The following NTAN1 variants were observed in gnomAD, a reference collection of about 807,000 sequenced individuals.
NTAN1 encodes N-terminal asparagine amidase, also known as protein N-terminal asparagine amidohydrolase.
NTAN1 carries 32 observed loss-of-function variants against 41.9 expected under a neutral mutation model. The observed-to-expected ratio is 0.76, with a 90% CI of 0.58 to 1.03. The LOEUF is 1.03. Among genes scored for constraint, NTAN1 ranks in the 50% least tolerant of loss-of-function variants. NTAN1 has a pLI of 0.00. For missense variants in NTAN1, 377 were observed against 377.5 expected, an observed-to-expected ratio of 1.00 and a Z score of 0.01; for synonymous variants, 140 against 139.5, an observed-to-expected ratio of 1.00 and a Z score of -0.03.
intron 4 of NTAN1, among the ~76,000 whole-genome samples, chr16:15,046,651 A>C (rs2044076789): frequency 1.3e-5 from 2 of 149,704 alleles, no homozygotes; most frequent in African/African-American, 4.9e-5. Context: ...CTTGAGCCCA[A>C]GAGTTTAAGA....
At chr16:15,046,697 C>CAAA (rs9331444) in intron 4 of NTAN1, among the ~76,000 whole-genome samples, 6 of 43,640 alleles carry the variant, frequency 1.4e-4, no homozygotes, top group Admixed American at 3.5e-4. Flanking sequence ...CTGTCTCTAC[C>CAAA]AAAAAAAAAA....
At position 15,047,997 on chromosome 16, in the gene NTAN1, C is replaced by T. The variant is rs563624215; in HGVS notation, c.184G>A (p.Gly62Ser). 3.2e-5 allele frequency: 52 copies of T among 1,609,944 alleles called. No individual in the cohort carries two copies. Among genetic ancestry groups the T allele is most frequent in the Non-Finnish European group, 4.3e-5 (51 of 1,176,374 alleles). The stretch of plus-strand genomic sequence containing the variant: ...CCCAATTCACTGCTTCCTAACCTAC[C>T]ATCCTTTGGGGAGGTCACTGCAAGC... ...RELAVTSPKDGSISILGSDDA... is the reference protein window; with the variant it reads ...RELAVTSPKDSSISILGSDDA... Residue 62 changes from glycine (G) to serine (S), a missense_variant and splice_region_variant, in exon 2 of 10, where the codon GGC (glycine) becomes AGC (serine). Coordinates refer to ENST00000287706, the MANE Select transcript of NTAN1 (RefSeq NM_173474.4).
At chr16:15,041,567 G>A in intron 6 of NTAN1, 56 bp downstream of exon 6, 1 of 1,233,612 alleles carries the variant, frequency 8.1e-7, no homozygotes, top group South Asian at 1.2e-5. Context: ...GCAAGACTGG[G>A]GACAAAACGG....
intron 1 of NTAN1, among the ~76,000 whole-genome samples, chr16:15,052,923 A>T (rs749366890): frequency 3.9e-5 from 6 of 152,176 alleles, no homozygotes; most frequent in Non-Finnish European, 7.4e-5. Flanking sequence ...AAGATGTTGC[A>T]GGACTGGTTA....
chr16:15,048,228 C>G (rs745652820), intron 1 of NTAN1, 129 bp from the exon 2 acceptor site: 8 of 632,176 alleles, frequency 1.3e-5, no homozygotes, highest in Non-Finnish European at 2.2e-5. Context: ...TGTTAGTGGA[C>G]AGAGAGGCTC....
At position 15,047,432 on chromosome 16, in the gene NTAN1, T is replaced by C. The variant is rs762206403; in HGVS notation, c.359+10A>G. 2.0e-6 allele frequency: 3 copies of C among 1,526,880 alleles called. No homozygotes were observed. The highest frequency in any genetic ancestry group is 1.1e-5 in the South Asian group (1 of 89,430). The allele number at this position is 1,526,880 out of a possible 1,614,324, so 94.6% of individuals were successfully genotyped here. On this transcript the variant is annotated intron_variant, in intron 4 of 9. Coordinates refer to ENST00000287706, the MANE Select transcript of NTAN1 (RefSeq NM_173474.4). Reference sequence around the variant, plus strand: ...TCTCAATTCACCTATGAGAGCAGCGTAGATCTCACCTTCCACATTGAGCGT... The same window carrying C: ...TCTCAATTCACCTATGAGAGCAGCGCAGATCTCACCTTCCACATTGAGCGT...
intron 6 of NTAN1, 133 bp from the exon 7 acceptor site, chr16:15,041,254 T>A (rs556410757): frequency 2.9e-6 from 2 of 692,720 alleles, no homozygotes; most frequent in Admixed American, 4.4e-5. Flanking sequence ...TGAAAGGGAT[T>A]GTGGCCCTGT....
intron 7 of NTAN1, 148 bp from the exon 8 acceptor site, chr16:15,040,214 G>C (rs2043750507): frequency 4.5e-6 from 2 of 448,174 alleles, no homozygotes. Flanking sequence ...CCTCCCTGGA[G>C]GGGGAAAATG....
Position 15,056,027 on chromosome 16 carries a change from C to G in NTAN1, c.-56G>C. The G allele has an allele frequency of 2.3e-6, 2 of 851,730 alleles. No homozygotes were observed. The highest frequency in any genetic ancestry group is 3.0e-6 in the Non-Finnish European group (2 of 673,184). 52.8% of individuals were successfully genotyped at this position (851,730 alleles called of 1,614,324 possible). A position where few individuals can be genotyped will look rare whatever the true frequency, so the allele number is the denominator to read the frequency against. ...GAGGCGGCGGCCCCCCGCTTTGCAG[C>G]CCCGGGCCGCCCGCCGCCCCCGCCC... On this transcript the variant is annotated 5_prime_UTR_variant, in exon 1 of 10. Transcript: ENST00000287706.
Position 15,041,696 on chromosome 16 carries a change from A to C in NTAN1, c.434-20T>G, listed in dbSNP as rs565245548. On this transcript the variant is annotated intron_variant, in intron 5 of 9. Coordinates refer to ENST00000287706, the MANE Select transcript of NTAN1 (RefSeq NM_173474.4). ...ATTCACCTATGATGAGAATTTTAAG[A>C]CCAGAAGTCAGAAAAGTTCCTCTAG... 1.6e-5 allele frequency: 26 copies of C among 1,587,946 alleles called. No individual in the cohort carries two copies. The South Asian group carries it at 2.2e-4, about 14-fold the overall frequency.
At chr16:15,039,223 C>T (rs905345954) in intron 8 of NTAN1, among the ~76,000 whole-genome samples, 1 of 152,170 alleles carries the variant, frequency 6.6e-6, no homozygotes, top group African/African-American at 2.4e-5. Context: ...TGGTAACTGA[C>T]ACTGAAATAT....
At chr16:15,038,310 T>TAATAA in intron 9 of NTAN1, 100 bp from the exon 10 acceptor site, 1 of 849,990 alleles carries the variant, frequency 1.2e-6, no homozygotes, top group Admixed American at 2.8e-5. Context: ...CAAATATATA[T>TAATAA]AATAAAATAC....
intron 8 of NTAN1, 149 bp from the exon 9 acceptor site, chr16:15,038,836 A>G: frequency 1.7e-6 from 1 of 583,236 alleles, no homozygotes; most frequent in Non-Finnish European, 3.0e-6. Context: ...GCTGCCAGCT[A>G]CTGAACACGT....
At chr16:15,041,568 G>T in intron 6 of NTAN1, 55 bp downstream of exon 6, 1 of 1,259,558 alleles carries the variant, frequency 7.9e-7, no homozygotes, top group South Asian at 1.2e-5. Flanking sequence ...CAAGACTGGG[G>T]ACAAAACGGT....
rs1191922104 is a variant in NTAN1 at position 15,040,999 on chromosome 16, T to C, written c.541+69A>G. On this transcript the variant is annotated intron_variant, in intron 7 of 9. Transcript: ENST00000287706. ...ATCCTGACAGCAGTGGGGTCATTGG[T>C]TTGCTGAATTAGACTTTAACTGCAC... 6.5e-6 allele frequency: 7 copies of C among 1,069,972 alleles called. No individual in the cohort carries two copies. In the African/African-American group the frequency reaches 9.3e-5, roughly 14 times the overall value. The allele number at this position is 1,069,972 out of a possible 1,614,324, so 66.3% of individuals were successfully genotyped here. A position where few individuals can be genotyped will look rare whatever the true frequency, so the allele number is the denominator to read the frequency against.
intron 5 of NTAN1, among the ~76,000 whole-genome samples, chr16:15,042,739 TATTTATTTATTG>T: frequency 6.9e-6 from 1 of 145,084 alleles, no homozygotes; most frequent in African/African-American, 2.7e-5. Context: ...TTTATTTATT[TATTTATTTATTG>T]AGACGAAGTC....
At chr16:15,052,865 T>C (rs1286629113) in intron 1 of NTAN1, among the ~76,000 whole-genome samples, 1 of 151,992 alleles carries the variant, frequency 6.6e-6, no homozygotes, top group Non-Finnish European at 1.5e-5. Flanking sequence ...AAGCAGGAAC[T>C]AAGCTACGCT....
intron 9 of NTAN1, 26 bp downstream of exon 9, chr16:15,038,548 G>A (rs988003944): frequency 1.6e-6 from 2 of 1,271,848 alleles, no homozygotes; most frequent in Non-Finnish European, 2.3e-6. Context: ...AGAGATTTAA[G>A]ACTTACCCAG....
intron 1 of NTAN1, 61 bp downstream of exon 1, chr16:15,055,830 T>C: frequency 1.1e-6 from 1 of 924,612 alleles, no homozygotes; most frequent in Non-Finnish European, 1.4e-6. Flanking sequence ...AGGGGGGCGC[T>C]AGCCCGCCCT....
Sources: gnomAD v4.1 joint callset for allele counts (sites outside exome capture counted in the v4.1 genomes callset) on GRCh38, gnomAD v4.1.1 for gene constraint, MANE v1.5 for transcripts, NCBI Gene and HGNC (gene_info 2026-07-23, HGNC 2026-07-21) for gene names.